Variants in DNAH3 observed in about 807,000 individuals in gnomAD.
DNAH3 encodes the protein dynein axonemal heavy chain 3.
Under a neutral mutation model 432.5 loss-of-function variants are expected in DNAH3, and 332 were observed. The ratio of observed to expected loss-of-function variants is 0.77; its 90% CI spans 0.70 to 0.84. The LOEUF (loss-of-function observed/expected upper bound fraction) is 0.84. Among genes scored for constraint, DNAH3 ranks in the 40% least tolerant of loss-of-function variants. DNAH3 has a pLI of 0.00. For missense variants in DNAH3, 4,861 were observed against 5,114.0 expected (o/e 0.95, Z 1.51); for synonymous variants, 1,956 against 1,900.2 (o/e 1.03, Z -0.76).
At chr16:21,005,269 T>C (rs987846378) in intron 41 of DNAH3, among the ~76,000 whole-genome samples, 3 of 144,024 alleles carry the variant, frequency 2.1e-5, no homozygotes, top group African/African-American at 8.2e-5. Flanking sequence ...TTCCCTCCCT[T>C]CTTTCTTTCT....
At chr16:20,997,697 T>C (rs1047673810) in intron 43 of DNAH3, among the ~76,000 whole-genome samples, 1 of 152,040 alleles carries the variant, frequency 6.6e-6, no homozygotes, top group Non-Finnish European at 1.5e-5. Context: ...ATGCATAGAC[T>C]GACATTAACA....
intron 35 of DNAH3, among the ~76,000 whole-genome samples, chr16:21,034,389 T>C (rs2089056543): frequency 6.6e-6 from 1 of 152,232 alleles, no homozygotes; most frequent in Non-Finnish European, 1.5e-5. Flanking sequence ...GACCACCTTT[T>C]ACAAAGGGTA....
rs143709987 is a variant in DNAH3, at chr16:20,957,460, C to A, written c.10826+1719G>T. 2.6e-5 allele frequency among the ~76,000 whole-genome samples: 4 copies of A among 152,204 alleles called. No individual in the cohort carries two copies. In the East Asian group the frequency reaches 7.7e-4, roughly 29 times the overall value. ...TAGCTTGCAAGCTATACAAAAAAAA[C>A]TGGCAGCAGGGTGCATTTGGCTATC... On this transcript the variant is annotated intron_variant, in intron 54 of 61. Coordinates refer to ENST00000261383, the Ensembl canonical transcript of DNAH3.
chr16:21,141,638 T>C (rs2092721160), intron 3 of DNAH3, among the ~76,000 whole-genome samples: 1 of 152,240 alleles, frequency 6.6e-6, no homozygotes, highest in Non-Finnish European at 1.5e-5. Flanking sequence ...CGTTCATACA[T>C]TTGGCAAGAA....
chr16:21,013,736 A>T (rs975837063), intron 41 of DNAH3, among the ~76,000 whole-genome samples: 54 of 151,532 alleles, frequency 3.6e-4, no homozygotes, highest in Non-Finnish European at 6.2e-4. Flanking sequence ...AAAAAAAAAA[A>T]AAAACTAAAA....
chr16:21,030,114 A>G (rs1597185806), intron 37 of DNAH3, among the ~76,000 whole-genome samples: 1 of 152,286 alleles, frequency 6.6e-6, no homozygotes, highest in Admixed American at 6.5e-5. Flanking sequence ...GTGTGAGCCT[A>G]TAGGGCCCAG....
intron 40 of DNAH3, 105 bp from the exon 41 acceptor site, chr16:21,019,974 G>T: frequency 7.6e-7 from 1 of 1,322,028 alleles, no homozygotes; most frequent in Non-Finnish European, 1.0e-6. Context: ...CCAGAAGGGC[G>T]ACTGATATTG....
intron 52 of DNAH3, among the ~76,000 whole-genome samples, chr16:20,968,250 G>A (rs1161502644): frequency 6.6e-6 from 1 of 152,060 alleles, no homozygotes; most frequent in East Asian, 1.9e-4. Flanking sequence ...TGCATTTTTT[G>A]TAGAGATGGG....
intron 12 of DNAH3, 44 bp downstream of exon 12, chr16:21,117,159 A>G (rs1164366431): frequency 7.3e-7 from 1 of 1,376,614 alleles, no homozygotes; most frequent in South Asian, 1.3e-5. Context: ...CACCAAATCA[A>G]TCCCAAAAAG....
intron 52 of DNAH3, among the ~76,000 whole-genome samples, chr16:20,967,492 C>CT (rs756357963): frequency 0.28 from 14,542 of 52,776 alleles, 4,797 homozygotes; most frequent in African/African-American, 0.49. Flanking sequence ...CAGACTTCTG[C>CT]TTTTTTTTTT....
rs148881043 is a variant in DNAH3 at position 21,039,673 on chromosome 16, C to T, written c.4730+179G>A. Among the ~76,000 whole-genome samples, 1,390 of 152,238 alleles carry T rather than the reference C, an allele frequency of 9.1e-3. 4 individuals carry two copies. Among genetic ancestry groups the T allele is most frequent in the South Asian group, 0.023 (113 of 4,824 alleles). On this transcript the variant is annotated intron_variant, in intron 33 of 61. Transcript: ENST00000261383. ...GCCCTGGGAATCTGGGCCATTTCCCCGTCAGAAATGGGGCAAGACCAAGGC... is the reference window on the plus strand; with the variant it reads ...GCCCTGGGAATCTGGGCCATTTCCCTGTCAGAAATGGGGCAAGACCAAGGC...
chr16:21,133,120 T>C (rs929215426), intron 7 of DNAH3, among the ~76,000 whole-genome samples: 13 of 151,746 alleles, frequency 8.6e-5, no homozygotes, highest in Admixed American at 3.3e-4. Context: ...GGGGTGCCGA[T>C]GTGGGTGGAT....
At chr16:21,019,507 C>T (rs1034520385) in intron 41 of DNAH3, 117 bp downstream of exon 41, 41 of 1,137,828 alleles carry the variant, frequency 3.6e-5, no homozygotes, top group South Asian at 7.4e-5. Context: ...TATTAGCCAC[C>T]GTGCCTGGCC....
At position 21,047,448 on chromosome 16, in the gene DNAH3, T is replaced by C. The variant is rs547746000; in HGVS notation, c.4461+2121A>G. On this transcript the variant is annotated intron_variant, in intron 31 of 61. Transcript: ENST00000261383. ...ATTTCATCTTCCATCGCTGATACCC[T>C]TTCTTCCAGTTGATCGCACCGGCTC... 4.1e-3 allele frequency among the ~76,000 whole-genome samples: 627 copies of C among 152,298 alleles called. 4 individuals are homozygous for C. Among genetic ancestry groups the C allele is most frequent in the African/African-American group, 0.014 (577 of 41,566 alleles).
intron 16 of DNAH3, among the ~76,000 whole-genome samples, chr16:21,099,386 A>G (rs1410144954): frequency 6.6e-6 from 1 of 152,222 alleles, no homozygotes; most frequent in African/African-American, 2.4e-5. Context: ...TGAAGAAAAT[A>G]AAATAGGGCA....
rs138378920 is a variant in DNAH3 at position 21,000,429 on chromosome 16, G to A, written c.6216C>T (p.Phe2072=). 225 of 1,613,978 alleles carry A rather than the reference G, an allele frequency of 1.4e-4. 1 individual carries two copies. The highest frequency in any genetic ancestry group is 4.0e-4 in the Admixed American group (24 of 59,992). ...ATTTGCCAGTGCCTGTGGGACCCAC[G>A]AACAGCATTGGAATCTCATGGTCTA... Residue 2072 remains phenylalanine (F), a synonymous_variant, in exon 43 of 62, where the codon TTC becomes TTT. Transcript: ENST00000261383.
intron 41 of DNAH3, among the ~76,000 whole-genome samples, chr16:21,007,356 G>A: frequency 6.6e-6 from 1 of 151,808 alleles, no homozygotes; most frequent in East Asian, 1.9e-4. Context: ...CTACAGGCAG[G>A]CACGCACCAT....
intron 17 of DNAH3, among the ~76,000 whole-genome samples, chr16:21,098,343 G>C (rs1165061085): frequency 2.0e-5 from 3 of 151,300 alleles, no homozygotes; most frequent in Admixed American, 2.0e-4. Flanking sequence ...GAAGGCTGAG[G>C]CAGGAGAATC....
At chr16:20,950,966 G>A (rs2084284178) in intron 56 of DNAH3, among the ~76,000 whole-genome samples, 1 of 152,000 alleles carries the variant, frequency 6.6e-6, no homozygotes, top group Admixed American at 6.6e-5. Context: ...GGGGCTACAG[G>A]TGCACAACAC....
Sources: allele counts gnomAD v4.1 joint callset (sites outside exome capture counted in the v4.1 genomes callset), GRCh38; gene constraint gnomAD v4.1.1; transcripts MANE v1.5; gene names NCBI Gene and HGNC (gene_info 2026-07-23, HGNC 2026-07-21).